Variants in C10orf88 observed in about 807,000 individuals in gnomAD.
C10orf88 encodes chromosome 10 open reading frame 88.
A neutral mutation model predicts 34.2 loss-of-function variants in C10orf88; 29 were observed. The ratio of observed to expected loss-of-function variants is 0.85; its 90% CI spans 0.63 to 1.16. C10orf88 has a LOEUF of 1.16. C10orf88 is among the 50% of genes most tolerant of loss of function. The pLI, the probability that C10orf88 is intolerant of heterozygous loss-of-function variation, is 0.00. For synonymous variants in C10orf88, 194 were observed against 197.4 expected, an observed-to-expected ratio of 0.98 and a Z score of 0.15; for missense variants, 507 against 533.2, an observed-to-expected ratio of 0.95 and a Z score of 0.48.
Position 122,932,263 on chromosome 10 carries a change from A to T in C10orf88, c.*164T>A. The stretch of plus-strand genomic sequence containing the variant: ...ATATTAACTCAGTGTACAGTACTGG[A>T]TTTAAAATAACAAGTGTAGTAAAAA... On this transcript the variant is annotated 3_prime_UTR_variant, in exon 6 of 6. Coordinates refer to ENST00000481909, the MANE Select transcript of C10orf88 (RefSeq NM_024942.4). 1 of 581,202 alleles carries T rather than the reference A, an allele frequency of 1.7e-6. No homozygotes were observed. The highest frequency in any genetic ancestry group is 3.0e-6 in the Non-Finnish European group (1 of 330,144). 36.0% of individuals were successfully genotyped at this position (581,202 alleles called of 1,614,324 possible).
intron 5 of C10orf88, among the ~76,000 whole-genome samples, chr10:122,933,783 T>A (rs1848507705): frequency 6.6e-6 from 1 of 152,216 alleles, no homozygotes; most frequent in South Asian, 2.1e-4. Flanking sequence ...TATTTCACTA[T>A]ACATGCTATA....
intron 4 of C10orf88, among the ~76,000 whole-genome samples, chr10:122,945,644 A>G (rs1589696776): frequency 6.6e-6 from 1 of 152,170 alleles, no homozygotes; most frequent in East Asian, 1.9e-4. Flanking sequence ...AAAAAGTTTA[A>G]AACTTAAAAA....
At position 122,952,805 on chromosome 10, in the gene C10orf88, C is replaced by T. The variant is rs929738026; in HGVS notation, c.368+24G>A. 8 of 1,611,836 alleles carry T rather than the reference C, an allele frequency of 5.0e-6. No individual in the cohort carries two copies. In the African/African-American group the frequency reaches 9.3e-5, roughly 19 times the overall value. Reference sequence around the variant, plus strand: ...ATCAAAACACTACTTCAGAAGAACACTTTCCCGTGTACAAGTCACACACCT... The same window carrying T: ...ATCAAAACACTACTTCAGAAGAACATTTTCCCGTGTACAAGTCACACACCT... On this transcript the variant is annotated intron_variant, in intron 2 of 5. Coordinates refer to ENST00000481909, the MANE Select transcript of C10orf88 (RefSeq NM_024942.4).
chr10:122,944,033 C>T (rs975482619), intron 4 of C10orf88, among the ~76,000 whole-genome samples: 119 of 151,786 alleles, frequency 7.8e-4, no homozygotes, highest in African/African-American at 2.9e-3. Flanking sequence ...GGGTATATAC[C>T]CAAAGGATTA....
chr10:122,945,659 T>A (rs551871827), intron 4 of C10orf88, among the ~76,000 whole-genome samples: 1 of 152,098 alleles, frequency 6.6e-6, no homozygotes, highest in East Asian at 1.9e-4. Flanking sequence ...TAAAAAAAAA[T>A]TAAATACAAA....
intron 4 of C10orf88, among the ~76,000 whole-genome samples, chr10:122,945,391 T>TA (rs1310431451): frequency 2.0e-5 from 3 of 152,200 alleles, no homozygotes; most frequent in Non-Finnish European, 2.9e-5. Flanking sequence ...TTTTTAGTCT[T>TA]AAAGTATATT....
chr10:122,953,030 T>C lies in C10orf88; in HGVS notation c.167A>G (p.Gln56Arg). The part of the protein sequence containing the change: ...EELLAPPAPG[Q>R]DLVILKRNHN... ...GTTTCTCTTCAAAATCACCAGATCC[T>C]GACTGAGAAGAAAATTGGTGAAAAC... The change falls in exon 2 of 6, where the codon CAG becomes CGG. Residue 56 changes from glutamine (Q) to arginine (R), a missense_variant and splice_region_variant. Coordinates refer to ENST00000481909, the MANE Select transcript of C10orf88 (RefSeq NM_024942.4). 1 of 1,608,448 alleles carries C rather than the reference T, an allele frequency of 6.2e-7. No homozygotes were observed. Among genetic ancestry groups the C allele is most frequent in the Non-Finnish European group, 8.5e-7 (1 of 1,174,976 alleles).
intron 5 of C10orf88, among the ~76,000 whole-genome samples, chr10:122,934,690 T>C (rs1848517996): frequency 6.6e-6 from 1 of 152,188 alleles, no homozygotes; most frequent in Non-Finnish European, 1.5e-5. Flanking sequence ...GTATAATTGC[T>C]GGGTTGTACG....
At chr10:122,941,388 C>T (rs753663201) in intron 4 of C10orf88, among the ~76,000 whole-genome samples, 1 of 152,092 alleles carries the variant, frequency 6.6e-6, no homozygotes, top group Admixed American at 6.6e-5. Context: ...CAAAACTTGG[C>T]GTGTTGAACT....
chr10:122,937,621 T>C, intron 5 of C10orf88, 84 bp downstream of exon 5: 1 of 1,219,190 alleles, frequency 8.2e-7, no homozygotes, highest in South Asian at 1.5e-5. Context: ...TTTTAGGCAG[T>C]ACTCATTGAG....
At chr10:122,948,903 A>C in intron 3 of C10orf88, 48 bp from the exon 4 acceptor site, 1 of 1,510,900 alleles carries the variant, frequency 6.6e-7, no homozygotes, top group South Asian at 1.2e-5. Flanking sequence ...AAAAACAATA[A>C]TCATTTAATG....
chr10:122,936,668 A>C (rs1848536416), intron 5 of C10orf88, among the ~76,000 whole-genome samples: 1 of 151,934 alleles, frequency 6.6e-6, no homozygotes, highest in Non-Finnish European at 1.5e-5. Context: ...ACTGCATCCC[A>C]CAAATTTTGA....
At chr10:122,937,365 T>C (rs555796519) in intron 5 of C10orf88, among the ~76,000 whole-genome samples, 2 of 151,992 alleles carry the variant, frequency 1.3e-5, no homozygotes, top group South Asian at 2.1e-4. Flanking sequence ...AGGCACAAAA[T>C]AGTACAAATA....
chr10:122,932,777 C>T, intron 5 of C10orf88, 116 bp from the exon 6 acceptor site: 1 of 714,340 alleles, frequency 1.4e-6, no homozygotes, highest in Non-Finnish European at 2.3e-6. Context: ...TGTGCTCTGT[C>T]TTCTTACAAT....
At chr10:122,941,068 C>T (rs575012236) in intron 4 of C10orf88, among the ~76,000 whole-genome samples, 2 of 151,914 alleles carry the variant, frequency 1.3e-5, no homozygotes, top group African/African-American at 2.4e-5. Flanking sequence ...TTTTGTATCA[C>T]CTTTAATAAT....
intron 3 of C10orf88, 136 bp from the exon 4 acceptor site, chr10:122,948,991 T>C (rs1848666060): frequency 2.7e-6 from 2 of 752,302 alleles, no homozygotes; most frequent in Admixed American, 6.4e-5. Context: ...TTTAAACTTT[T>C]CTCTAGAACA....
chr10:122,954,227 T>G lies in C10orf88; in HGVS notation c.-49A>C, dbSNP rs747343370. The G allele has an allele frequency of 1.4e-6, 2 of 1,451,368 alleles. No homozygotes were observed. Among genetic ancestry groups the G allele is most frequent in the African/African-American group, 1.5e-5 (1 of 66,976 alleles). 89.9% of individuals were successfully genotyped at this position (1,451,368 alleles called of 1,614,324 possible). On this transcript the variant is annotated 5_prime_UTR_variant, in exon 1 of 6. Transcript: ENST00000481909. ...CCCAGCCCCGGAACCTCTCTTCCAG[T>G]GCTTGAATTTCCGCCGGTACAGCGT...
At chr10:122,947,498 C>T (rs1331490722) in intron 4 of C10orf88, among the ~76,000 whole-genome samples, 2 of 152,170 alleles carry the variant, frequency 1.3e-5, no homozygotes, top group African/African-American at 4.8e-5. Flanking sequence ...GACATCAAAT[C>T]GTTTCTCTTG....
intron 3 of C10orf88, 119 bp downstream of exon 3, chr10:122,951,835 G>GA (rs1170994213): frequency 7.5e-3 from 4,345 of 581,184 alleles, no homozygotes; most frequent in East Asian, 0.011. Context: ...GTCTTGAAAA[G>GA]AAAAAAAAAA....
Sources: gnomAD v4.1 joint callset for allele counts (sites outside exome capture counted in the v4.1 genomes callset) on GRCh38, gnomAD v4.1.1 for gene constraint, MANE v1.5 for transcripts, NCBI Gene and HGNC (gene_info 2026-07-23, HGNC 2026-07-21) for gene names.